The following ACAD10 variants were observed in gnomAD, a reference collection of about 807,000 sequenced individuals.
ACAD10 encodes acyl-CoA dehydrogenase family member 10.
Under a neutral mutation model 116.8 loss-of-function variants are expected in ACAD10, and 112 were observed. The ratio of observed to expected loss-of-function variants is 0.96; its 90% CI spans 0.82 to 1.12. The LOEUF is 1.12. ACAD10 is among the 50% of genes most tolerant of loss of function. ACAD10 has a pLI of 0.00. For missense variants in ACAD10, 1,259 were observed against 1,350.2 expected (o/e 0.93, Z 1.06); for synonymous variants, 486 against 510.6 (o/e 0.95, Z 0.65).
intron 1 of ACAD10, among the ~76,000 whole-genome samples, chr12:111,687,787 G>A (rs1887916741): frequency 6.6e-6 from 1 of 152,138 alleles, no homozygotes; most frequent in African/African-American, 2.4e-5. Flanking sequence ...GATTTCACAG[G>A]TAGTAGTGGC....
intron 18 of ACAD10, 171 bp from the exon 19 acceptor site, chr12:111,753,601 G>A (rs537847997): frequency 3.2e-4 from 272 of 845,582 alleles, no homozygotes; most frequent in Non-Finnish European, 4.5e-4. Flanking sequence ...TGGACATGGC[G>A]CATGGCTGCA....
Position 111,756,444 on chromosome 12 carries a change from G to T in ACAD10, c.3151G>T (p.Ala1051Ser). 1 of 1,612,690 alleles carries T rather than the reference G, an allele frequency of 6.2e-7. No homozygotes were observed. The highest frequency in any genetic ancestry group is 8.5e-7 in the Non-Finnish European group (1 of 1,179,842). The change falls in exon 21 of 21, where the codon GCC becomes TCC. Residue 1051 changes from alanine to serine, a missense_variant. Transcript: ENST00000313698. ...TGACGAGGTGCACCGGGCCACGGTG[G>T]CCAAGCTAGAGCTGAAGCACCGCAT... ...GPDEVHRATV[A>S]KLELKHRI
intron 2 of ACAD10, among the ~76,000 whole-genome samples, chr12:111,694,468 C>T (rs1888139686): frequency 6.6e-6 from 1 of 151,970 alleles, no homozygotes; most frequent in South Asian, 2.1e-4. Context: ...CACCACTGCA[C>T]CCCAGACTGG....
chr12:111,698,537 G>A (rs1305092669), intron 2 of ACAD10, among the ~76,000 whole-genome samples: 1 of 150,938 alleles, frequency 6.6e-6, no homozygotes, highest in Non-Finnish European at 1.5e-5. Context: ...GAATGTAATG[G>A]TGCAATCTTG....
At chr12:111,734,202 T>A in intron 11 of ACAD10, 134 bp downstream of exon 11, 1 of 1,255,824 alleles carries the variant, frequency 8.0e-7, no homozygotes, top group Non-Finnish European at 1.1e-6. Context: ...GTGGGAAACA[T>A]AACTAGAATG....
intron 12 of ACAD10, among the ~76,000 whole-genome samples, chr12:111,739,869 G>T (rs1458945245): frequency 6.6e-6 from 1 of 152,168 alleles, no homozygotes; most frequent in African/African-American, 2.4e-5. Flanking sequence ...AAAAAATTTT[G>T]ATGATAGTCA....
intron 16 of ACAD10, chr12:111,747,765 T>C: frequency 9.5e-7 from 1 of 1,051,516 alleles, no homozygotes; most frequent in Non-Finnish European, 1.1e-6. Flanking sequence ...TCCTGACTTT[T>C]AGGGATTGTC....
rs796353015 is a variant in ACAD10, at chr12:111,709,407, CT to C, written c.532-117del. ...TTTATATCATAACACTCTTAAATTA[CT>C]TGTTATAATAAATCTCAACTGTCCT... On this transcript the variant is annotated intron_variant, in intron 4 of 20. Transcript: ENST00000313698. The C allele has an allele frequency of 2.8e-5, 23 of 825,282 alleles. No homozygotes were observed. In the African/African-American group the frequency reaches 3.7e-4, roughly 13 times the overall value. The allele number at this position is 825,282 out of a possible 1,614,324, so 51.1% of individuals were successfully genotyped here.
chr12:111,709,854 A>AT (rs1261835222), intron 5 of ACAD10, 170 bp downstream of exon 5: 1 of 754,386 alleles, frequency 1.3e-6, no homozygotes, highest in Non-Finnish European at 2.0e-6. Flanking sequence ...AGCTGCTTGT[A>AT]TTTTCAATGG....
At chr12:111,694,663 C>A (rs1888144756) in intron 2 of ACAD10, among the ~76,000 whole-genome samples, 1 of 147,664 alleles carries the variant, frequency 6.8e-6, no homozygotes, top group Non-Finnish European at 1.5e-5. Context: ...AGCCTCCTAA[C>A]TTCCTCTGCC....
At chr12:111,702,067 C>T (rs924693507) in intron 2 of ACAD10, 95 bp from the exon 3 acceptor site, 41 of 1,321,362 alleles carry the variant, frequency 3.1e-5, no homozygotes, top group South Asian at 4.2e-5. Flanking sequence ...GGCAGTACAG[C>T]GAGTCCGTAG....
At chr12:111,737,839 T>TGGG (rs1889615637) in intron 12 of ACAD10, among the ~76,000 whole-genome samples, 1 of 151,184 alleles carries the variant, frequency 6.6e-6, no homozygotes, top group African/African-American at 2.4e-5. Flanking sequence ...GGCAAATTTC[T>TGGG]TGGTGTGTGT....
At chr12:111,717,222 G>T (rs1474695310) in intron 7 of ACAD10, among the ~76,000 whole-genome samples, 1 of 151,950 alleles carries the variant, frequency 6.6e-6, no homozygotes, top group Non-Finnish European at 1.5e-5. Flanking sequence ...CCGGGTGTTG[G>T]TGACTTGGAC....
chr12:111,711,695 G>A (rs1218753324), intron 5 of ACAD10, among the ~76,000 whole-genome samples: 1 of 151,226 alleles, frequency 6.6e-6, no homozygotes. Flanking sequence ...TGTATTTTTA[G>A]TAGAGACGGG....
intron 18 of ACAD10, chr12:111,752,653 C>A (rs1044574360): frequency 6.6e-6 from 1 of 151,786 alleles, no homozygotes; most frequent in Non-Finnish European, 1.5e-5. Flanking sequence ...AGTGTGGCTC[C>A]CGTTTTTGGA....
Position 111,714,695 on chromosome 12 carries a change from A to G in ACAD10, c.851-1126A>G, listed in dbSNP as rs1888791202. The stretch of plus-strand genomic sequence containing the variant: ...AAGAAAACAAAAAAGAAGACTTACA[A>G]AATTTTTTAAATTAAATTAAATTAA... On this transcript the variant is annotated intron_variant, in intron 6 of 20. Coordinates refer to ENST00000313698, the MANE Select transcript of ACAD10 (RefSeq NM_025247.6). 2.0e-5 allele frequency among the ~76,000 whole-genome samples: 3 copies of G among 152,040 alleles called. No individual in the cohort carries two copies. In the South Asian group the frequency reaches 6.2e-4, roughly 32 times the overall value.
chr12:111,755,627 GC>G, intron 19 of ACAD10, 40 bp from the exon 20 acceptor site: 1 of 1,522,320 alleles, frequency 6.6e-7, no homozygotes, highest in Non-Finnish European at 9.1e-7. Context: ...CACCCAGGCT[GC>G]CCTCGGGTCT....
At chr12:111,724,203 C>G (rs961470464) in intron 8 of ACAD10, among the ~76,000 whole-genome samples, 13 of 149,432 alleles carry the variant, frequency 8.7e-5, no homozygotes, top group African/African-American at 3.0e-4. Context: ...GGCAGAGACG[C>G]TCCTCACTTC....
At chr12:111,725,940 T>A (rs1889201909) in intron 8 of ACAD10, among the ~76,000 whole-genome samples, 1 of 152,162 alleles carries the variant, frequency 6.6e-6, no homozygotes, top group Non-Finnish European at 1.5e-5. Context: ...CAAAACATCT[T>A]TTGTAATAAT....
Sources: gnomAD v4.1 joint callset for allele counts (sites outside exome capture counted in the v4.1 genomes callset) on GRCh38, gnomAD v4.1.1 for gene constraint, MANE v1.5 for transcripts, NCBI Gene and HGNC (gene_info 2026-07-23, HGNC 2026-07-21) for gene names.